The following SLC16A7 variants were observed in gnomAD, a reference collection of about 807,000 sequenced individuals.
The protein encoded by SLC16A7 is monocarboxylate transporter 2.
Under a neutral mutation model 34.9 loss-of-function variants are expected in SLC16A7, and 33 were observed. The observed-to-expected ratio is 0.94, with a 90% CI of 0.72 to 1.26. The LOEUF is 1.26. SLC16A7 is among the 50% of genes most tolerant of loss of function. The pLI is 0.00. For missense variants in SLC16A7, 573 were observed against 578.1 expected, an observed-to-expected ratio of 0.99 and a Z score of 0.09; for synonymous variants, 201 against 206.6, an observed-to-expected ratio of 0.97 and a Z score of 0.23.
chr12:59,610,116 G>C (rs906006701), intron 1 of SLC16A7, among the ~76,000 whole-genome samples: 1 of 152,170 alleles, frequency 6.6e-6, no homozygotes, highest in Non-Finnish European at 1.5e-5. Flanking sequence ...CCGAGGTAGA[G>C]TGGAATCCTC....
intron 2 of SLC16A7, among the ~76,000 whole-genome samples, chr12:59,700,408 C>A (rs1872739801): frequency 6.7e-6 from 1 of 149,632 alleles, no homozygotes. Flanking sequence ...AAAACTGTTT[C>A]CAAGATTATA....
At chr12:59,675,308 A>G (rs1200015017) in intron 2 of SLC16A7, among the ~76,000 whole-genome samples, 3 of 152,220 alleles carry the variant, frequency 2.0e-5, no homozygotes, top group South Asian at 2.1e-4. Context: ...TTGGGAGGTA[A>G]TTAAGTCGTG....
chr12:59,601,641 A>G (rs551144232), intron 1 of SLC16A7, among the ~76,000 whole-genome samples: 2 of 152,314 alleles, frequency 1.3e-5, no homozygotes, highest in Admixed American at 6.5e-5. Flanking sequence ...ATAACAAACT[A>G]TAGACAGATT....
At chr12:59,704,213 A>AAAAG (rs1555171495) in intron 2 of SLC16A7, among the ~76,000 whole-genome samples, 5 of 141,838 alleles carry the variant, frequency 3.5e-5, no homozygotes, top group African/African-American at 1.4e-4. Flanking sequence ...AAAAAAAAAA[A>AAAAG]AAAAAGAAAA....
chr12:59,747,379 T>C (rs562036834), intron 3 of SLC16A7, among the ~76,000 whole-genome samples: 1 of 152,360 alleles, frequency 6.6e-6, no homozygotes, highest in African/African-American at 2.4e-5. Context: ...AAATATATTG[T>C]ACAGAAAATA....
chr12:59,764,310 G>C (rs1386986971), intron 3 of SLC16A7, among the ~76,000 whole-genome samples: 1 of 151,832 alleles, frequency 6.6e-6, no homozygotes, highest in Admixed American at 6.6e-5. Context: ...GAAGTTTGAA[G>C]CTAGTACATT....
chr12:59,694,450 T>C (rs1872044587), intron 2 of SLC16A7, among the ~76,000 whole-genome samples: 3 of 151,962 alleles, frequency 2.0e-5, no homozygotes, highest in African/African-American at 7.2e-5. Context: ...CATGAAACCG[T>C]CACTGCAATA....
chr12:59,787,995 A>G lies in SLC16A7; in HGVS notation c.*8316A>G, dbSNP rs931363504. On this transcript the variant is annotated 3_prime_UTR_variant, in exon 6 of 6. Coordinates refer to ENST00000547379, the MANE Select transcript of SLC16A7 (RefSeq NM_001270623.2). The stretch of plus-strand genomic sequence containing the variant: ...TTTCAAGTGCTTGCTACAACTGACT[A>G]AATTTGAAGCTTTTTATGTAAAAGT... The G allele has an allele frequency of 6.6e-6, 1 of 152,240 alleles. No homozygotes were observed. Among genetic ancestry groups the G allele is most frequent in the Non-Finnish European group, 1.5e-5 (1 of 68,048 alleles). The allele number at this position is 152,240 out of a possible 1,614,324, so 9.4% of individuals were successfully genotyped here.
At chr12:59,730,347 T>TA (rs4020154) in intron 3 of SLC16A7, among the ~76,000 whole-genome samples, 105 of 144,102 alleles carry the variant, frequency 7.3e-4, no homozygotes, top group Non-Finnish European at 1.1e-3. Context: ...TTCCTAAAAT[T>TA]AAAAAAAAAA....
At chr12:59,717,358 A>C (rs892854004) in intron 3 of SLC16A7, among the ~76,000 whole-genome samples, 4 of 151,898 alleles carry the variant, frequency 2.6e-5, no homozygotes, top group African/African-American at 7.3e-5. Flanking sequence ...GGAGTATTTC[A>C]TGATTAGTTT....
intron 3 of SLC16A7, among the ~76,000 whole-genome samples, chr12:59,726,098 C>T (rs369400009): frequency 6.6e-6 from 1 of 152,156 alleles, no homozygotes; most frequent in African/African-American, 2.4e-5. Flanking sequence ...GTCTCAATCT[C>T]GTTTCTCCTC....
chr12:59,751,477 A>G lies in SLC16A7; in HGVS notation c.218-19742A>G, dbSNP rs538663922. Among the ~76,000 whole-genome samples the G allele has an allele frequency of 3.3e-4, 50 of 152,340 alleles. 1 individual carries two copies. In the Middle Eastern group the frequency reaches 0.014, roughly 41 times the overall value. On this transcript the variant is annotated intron_variant, in intron 3 of 5. Transcript: ENST00000547379. Reference sequence around the variant, plus strand: ...TCCTGCACCTGGCTCGTAGGGTCTTACGACCATGGAGCCTTGCTGATTGCT... The same window carrying G: ...TCCTGCACCTGGCTCGTAGGGTCTTGCGACCATGGAGCCTTGCTGATTGCT...
chr12:59,769,817 AAAATTATGTTTTTTAGGCCAAATATTG>A (rs1479578641), intron 3 of SLC16A7, among the ~76,000 whole-genome samples: 1 of 152,100 alleles, frequency 6.6e-6, no homozygotes, highest in African/African-American at 2.4e-5. Flanking sequence ...TATTAGCTGA[AAAATTATGTTTTTTAGGCCAAATATTG>A]GATTGAAAAT....
intron 2 of SLC16A7, among the ~76,000 whole-genome samples, chr12:59,665,190 T>A (rs1869092059): frequency 6.6e-6 from 1 of 152,130 alleles, no homozygotes; most frequent in Non-Finnish European, 1.5e-5. Flanking sequence ...TATGAAACTA[T>A]CAATTGTGGT....
chr12:59,755,662 A>G (rs9739491), intron 3 of SLC16A7, among the ~76,000 whole-genome samples: 18,578 of 152,102 alleles, frequency 0.12, 1,468 homozygotes, highest in African/African-American at 0.22. Context: ...AATCAGTATC[A>G]TGAAAATGGC....
At chr12:59,612,820 A>G (rs1054533931) in intron 1 of SLC16A7, among the ~76,000 whole-genome samples, 2 of 152,214 alleles carry the variant, frequency 1.3e-5, no homozygotes, top group South Asian at 4.1e-4. Flanking sequence ...CCTCATCTCC[A>G]TCTGAGACTA....
intron 3 of SLC16A7, among the ~76,000 whole-genome samples, chr12:59,747,928 C>A (rs971680819): frequency 6.6e-6 from 1 of 152,160 alleles, no homozygotes; most frequent in Admixed American, 6.5e-5. Context: ...ATAGGCCACG[C>A]GCTGTGGCAC....
intron 1 of SLC16A7, among the ~76,000 whole-genome samples, chr12:59,636,514 T>C (rs1880434780): frequency 6.6e-6 from 1 of 152,244 alleles, no homozygotes. Flanking sequence ...GCCCAGGTTG[T>C]AGTGCAATGG....
chr12:59,603,656 CTATTA>C (rs1878796174), intron 1 of SLC16A7, among the ~76,000 whole-genome samples: 1 of 151,992 alleles, frequency 6.6e-6, no homozygotes, highest in African/African-American at 2.4e-5. Flanking sequence ...TCTTGACATT[CTATTA>C]TATTTGATTT....
Sources: allele counts gnomAD v4.1 joint callset (sites outside exome capture counted in the v4.1 genomes callset), GRCh38; gene constraint gnomAD v4.1.1; transcripts MANE v1.5; gene names NCBI Gene and HGNC (gene_info 2026-07-23, HGNC 2026-07-21).